The following DTHD1 variants were observed in gnomAD, a reference collection of about 807,000 sequenced individuals.
DTHD1 encodes the protein death domain containing 1, also known as death domain-containing protein 1.
Under a neutral mutation model 74.8 loss-of-function variants are expected in DTHD1, and 59 were observed. The observed-to-expected ratio is 0.79, with a 90% CI of 0.64 to 0.98. The LOEUF (loss-of-function observed/expected upper bound fraction) is 0.98, where lower values mean the gene tolerates loss of function less well. Among genes scored for constraint, DTHD1 ranks in the 50% least tolerant of loss-of-function variants. DTHD1 has a pLI of 0.00. For synonymous variants in DTHD1, 365 were observed against 371.1 expected (o/e 0.98, Z 0.19); for missense variants, 1,051 against 1,065.4 (o/e 0.99, Z 0.19).
intron 5 of DTHD1, among the ~76,000 whole-genome samples, chr4:36,303,244 A>T (rs1756873986): frequency 6.6e-6 from 1 of 152,214 alleles, no homozygotes; most frequent in African/African-American, 2.4e-5. Context: ...GCATATATTA[A>T]GGAAATAGTT....
chr4:36,299,361 C>T (rs890693796), intron 5 of DTHD1, among the ~76,000 whole-genome samples: 7 of 152,120 alleles, frequency 4.6e-5, no homozygotes, highest in Non-Finnish European at 1.0e-4. Flanking sequence ...TTATGCCACT[C>T]TTTATTGCTG....
At chr4:36,323,923 A>C (rs764314223) in intron 8 of DTHD1, among the ~76,000 whole-genome samples, 1 of 152,150 alleles carries the variant, frequency 6.6e-6, no homozygotes, top group Non-Finnish European at 1.5e-5. Flanking sequence ...CTGGCACTCC[A>C]TGCATCTCCC....
chr4:36,334,751 G>A lies in DTHD1; in HGVS notation c.2341-4361G>A, dbSNP rs534017378. Among the ~76,000 whole-genome samples, 7 of 152,290 alleles carry A rather than the reference G, an allele frequency of 4.6e-5. No individual in the cohort carries two copies. In the East Asian group the frequency reaches 9.6e-4, roughly 21 times the overall value. On this transcript the variant is annotated intron_variant, in intron 8 of 9. Transcript: ENST00000639862. ...AGGCATGTGTTTTTCAAAAAGCAGC[G>A]GAGATCTGAAATGTGTTCTGCAGGA...
chr4:36,294,990 A>G lies in DTHD1; in HGVS notation c.1594A>G (p.Arg532Gly), dbSNP rs1445837636. 2 of 1,550,932 alleles carry G rather than the reference A, an allele frequency of 1.3e-6. No homozygotes were observed. Among genetic ancestry groups the G allele is most frequent in the South Asian group, 1.2e-5 (1 of 84,014 alleles). ...NNLGSEIDHK[R>G]RASATINRIT... Reference sequence around the variant, plus strand: ...CCTTGGTTCTGAGATAGATCATAAAAGAAGAGCAAGTGCCACAATAAATAG... The same window carrying G: ...CCTTGGTTCTGAGATAGATCATAAAGGAAGAGCAAGTGCCACAATAAATAG... The change falls in exon 5 of 10, where the codon AGA becomes GGA. Residue 532 changes from arginine to glycine, a missense_variant. By Grantham distance (125) the Arg-to-Gly change is moderately radical. Coordinates refer to ENST00000639862, the MANE Select transcript of DTHD1 (RefSeq NM_001170700.3).
chr4:36,301,677 A>G (rs1302495186), intron 5 of DTHD1, among the ~76,000 whole-genome samples: 2 of 152,176 alleles, frequency 1.3e-5, no homozygotes, highest in East Asian at 3.8e-4. Context: ...AGTCTTAGCC[A>G]ATACATCTAC....
intron 7 of DTHD1, among the ~76,000 whole-genome samples, chr4:36,314,542 C>T (rs890898662): frequency 2.3e-4 from 35 of 149,248 alleles, no homozygotes; most frequent in African/African-American, 7.6e-4. Flanking sequence ...ATTACCCAGG[C>T]GTGGTGGCCC....
rs1205927917 is a variant in DTHD1 at position 36,347,231 on chromosome 4, T to C, written c.*3407T>C. Among the ~76,000 whole-genome samples, 1 of 152,208 alleles carries C rather than the reference T, an allele frequency of 6.6e-6. No individual in the cohort carries two copies. The highest frequency in any genetic ancestry group is 1.5e-5 in the Non-Finnish European group (1 of 68,034). ...CATAGCACAATTAATTTTAGTATAA[T>C]CAATTTCTGAAATTGGTTAAAATGA... On this transcript the variant is annotated 3_prime_UTR_variant, in exon 10 of 10. Transcript: ENST00000639862.
At position 36,306,265 on chromosome 4, in the gene DTHD1, A is replaced by G. The variant is rs1255462068; in HGVS notation, c.1718A>G (p.Gln573Arg). 7.7e-6 allele frequency: 12 copies of G among 1,551,854 alleles called. No homozygotes were observed. Among genetic ancestry groups the G allele is most frequent in the Non-Finnish European group, 8.7e-7 (1 of 1,147,016 alleles). ...TTGAAATTACTGGGATTCAGAAGCC[A>G]AGACAGTGGTTGGTGTGGGCTTGAT... ...ECLKLLGFRS[Q>R]DSGWCGLDDV... The change falls in exon 6 of 10, where the codon CAA becomes CGA. Residue 573 changes from glutamine (Q) to arginine (R), a missense_variant. Gln to Arg is a conservative substitution (Grantham distance 43). Transcript: ENST00000639862.
chr4:36,309,717 C>T (rs1757275813), intron 7 of DTHD1, among the ~76,000 whole-genome samples: 1 of 152,116 alleles, frequency 6.6e-6, no homozygotes. Flanking sequence ...AACACTGACA[C>T]CAGTAATGTA....
rs1392787981 is a variant in DTHD1 at position 36,346,543 on chromosome 4, A to G, written c.*2719A>G. 6.6e-6 allele frequency among the ~76,000 whole-genome samples: 1 copy of G among 152,004 alleles called. No individual in the cohort carries two copies. The highest frequency in any genetic ancestry group is 1.5e-5 in the Non-Finnish European group (1 of 68,006). ...TCTCTTAAGATAATCCAGGAAATCA[A>G]TCCCATGTGTAATCTGTGCCACTTG... On this transcript the variant is annotated 3_prime_UTR_variant, in exon 10 of 10. Coordinates refer to ENST00000639862, the MANE Select transcript of DTHD1 (RefSeq NM_001170700.3).
intron 5 of DTHD1, among the ~76,000 whole-genome samples, chr4:36,304,038 G>T (rs574863355): frequency 6.6e-6 from 1 of 152,318 alleles, no homozygotes; most frequent in African/African-American, 2.4e-5. Flanking sequence ...TCAGATCAGG[G>T]TGAAACTGGA....
In DTHD1 at chr4:36,336,897, A is replaced by G. The variant is rs141836799; in HGVS notation, c.2341-2215A>G. On this transcript the variant is annotated intron_variant, in intron 8 of 9. Transcript: ENST00000639862. The stretch of plus-strand genomic sequence containing the variant: ...AAACTGTGGAATAGAACCTCCAAAT[A>G]AAAACTAAATAAGAACCAGAGAAGG... 1.4e-3 allele frequency among the ~76,000 whole-genome samples: 209 copies of G among 152,342 alleles called. 1 individual carries two copies. Among genetic ancestry groups the G allele is most frequent in the African/African-American group, 4.6e-3 (192 of 41,582 alleles).
chr4:36,283,586 A>G (rs1755521242), intron 1 of DTHD1, among the ~76,000 whole-genome samples: 1 of 152,234 alleles, frequency 6.6e-6, no homozygotes, highest in African/African-American at 2.4e-5. Context: ...TGGATCATTG[A>G]TAAACTATTG....
At chr4:36,320,088 T>A (rs1306663414) in intron 8 of DTHD1, among the ~76,000 whole-genome samples, 1 of 152,238 alleles carries the variant, frequency 6.6e-6, no homozygotes, top group Non-Finnish European at 1.5e-5. Flanking sequence ...GTTGCTGTAA[T>A]GGCTTTTCAG....
At chr4:36,338,498 A>T (rs577470865) in intron 8 of DTHD1, among the ~76,000 whole-genome samples, 1 of 151,870 alleles carries the variant, frequency 6.6e-6, no homozygotes, top group East Asian at 1.9e-4. Context: ...AATTCTCCAA[A>T]GTGCAATGCT....
At chr4:36,338,010 T>C (rs1759106408) in intron 8 of DTHD1, among the ~76,000 whole-genome samples, 1 of 152,230 alleles carries the variant, frequency 6.6e-6, no homozygotes, top group African/African-American at 2.4e-5. Context: ...TTGACATTGA[T>C]ACAATGTATA....
chr4:36,294,918 C>T lies in DTHD1; in HGVS notation c.1522C>T (p.Pro508Ser), dbSNP rs773778842. ...CCCATCAACTTATCCTTTTCAGAAG[C>T]CAGTCACTTTGTTTTTACCTTGTTC... Reference protein sequence around the residue: ...QHPSTYPFQKPVTLFLPCSPY... With the variant: ...QHPSTYPFQKSVTLFLPCSPY... Residue 508 changes from proline to serine, a missense_variant, in exon 5 of 10, where the codon CCA (proline) becomes TCA (serine). By Grantham distance (74) the Pro-to-Ser change is moderately conservative. Transcript: ENST00000639862. 180 of 1,551,804 alleles carry T rather than the reference C, an allele frequency of 1.2e-4. No homozygotes were observed. The highest frequency in any genetic ancestry group is 1.4e-4 in the Non-Finnish European group (158 of 1,146,820).
At chr4:36,302,701 G>T (rs1756846678) in intron 5 of DTHD1, among the ~76,000 whole-genome samples, 1 of 152,198 alleles carries the variant, frequency 6.6e-6, no homozygotes. Flanking sequence ...TTCAGGCAAT[G>T]TGGCTATGTG....
chr4:36,294,713 T>A, intron 4 of DTHD1, 82 bp from the exon 5 acceptor site: 1 of 1,356,648 alleles, frequency 7.4e-7, no homozygotes, highest in South Asian at 1.8e-5. Context: ...TGCATAGAAT[T>A]TTCAAAAAAC....
Sources: allele counts gnomAD v4.1 joint callset (sites outside exome capture counted in the v4.1 genomes callset), GRCh38; gene constraint gnomAD v4.1.1; transcripts MANE v1.5; gene names NCBI Gene and HGNC (gene_info 2026-07-23, HGNC 2026-07-21).